Variants in GPHN observed in about 807,000 individuals in gnomAD.
The protein encoded by GPHN is gephyrin.
In GPHN, 17 loss-of-function variants were observed where a neutral mutation model predicts 95.5. That is an observed-to-expected ratio of 0.18 (90% CI 0.12 to 0.27). GPHN has a LOEUF of 0.27. Among genes scored for constraint, GPHN ranks in the 10% least tolerant of loss-of-function variants. The pLI is 1.00. For missense variants in GPHN, 660 were observed against 978.1 expected (o/e 0.67, Z 4.34); for synonymous variants, 320 against 322.5 (o/e 0.99, Z 0.08).
At position 67,180,985 on chromosome 14, in the gene GPHN, C is replaced by G; in HGVS notation, c.*48C>G. ...TTGATGCATGTCCACATATCATTGACTGTATCCTGTAATATGCAACGGCAC... is the reference window on the plus strand; with the variant it reads ...TTGATGCATGTCCACATATCATTGAGTGTATCCTGTAATATGCAACGGCAC... On this transcript the variant is annotated 3_prime_UTR_variant, in exon 23 of 23. Coordinates refer to ENST00000478722, the MANE Select transcript of GPHN (RefSeq NM_020806.5). 6.3e-7 allele frequency: 1 copy of G among 1,593,914 alleles called. No homozygotes were observed.
At chr14:66,834,769 T>C (rs1469322542) in intron 4 of GPHN, among the ~76,000 whole-genome samples, 1 of 150,368 alleles carries the variant, frequency 6.7e-6, no homozygotes, top group East Asian at 1.9e-4. Context: ...GCTGGCCTCA[T>C]AAAATGAGTT....
At chr14:66,728,473 AC>A (rs2071456293) in intron 2 of GPHN, among the ~76,000 whole-genome samples, 1 of 152,216 alleles carries the variant, frequency 6.6e-6, no homozygotes, top group Non-Finnish European at 1.5e-5. Context: ...GGGAGGCTGT[AC>A]CCTGCAAAGC....
At chr14:67,695,629 C>G in the GPHN span, 3 of 1,613,896 alleles carry the variant, frequency 1.9e-6, no homozygotes, top group Non-Finnish European at 2.5e-6. Context: ...TTTGCACAGA[C>G]CTGATTTGGG....
At chr14:67,679,764 C>T in the GPHN span, among the ~76,000 whole-genome samples, 33 of 152,194 alleles carry the variant, frequency 2.2e-4, no homozygotes, top group Non-Finnish European at 5.9e-5. Flanking sequence ...AAGGACAATT[C>T]TGACTCATTT....
intron 2 of GPHN, among the ~76,000 whole-genome samples, chr14:66,765,713 G>T (rs185050284): frequency 6.6e-6 from 1 of 151,424 alleles, no homozygotes; most frequent in African/African-American, 2.4e-5. Context: ...CTCCCATGAC[G>T]CACAATTTAC....
chr14:67,267,514 G>A, the GPHN span, among the ~76,000 whole-genome samples: 1 of 151,670 alleles, frequency 6.6e-6, no homozygotes, highest in African/African-American at 2.4e-5. Context: ...GCCTCCCAAA[G>A]TGCTGGGATT....
At chr14:66,620,523 C>T (rs986766919) in intron 1 of GPHN, among the ~76,000 whole-genome samples, 1 of 152,090 alleles carries the variant, frequency 6.6e-6, no homozygotes, top group African/African-American at 2.4e-5. Flanking sequence ...CATTCATTAT[C>T]ATGAGAACAG....
At chr14:67,608,565 G>T in the GPHN span, among the ~76,000 whole-genome samples, 1 of 152,216 alleles carries the variant, frequency 6.6e-6, no homozygotes, top group Admixed American at 6.5e-5. Flanking sequence ...GCTTCAGTGG[G>T]AATGTGTGGA....
chr14:66,891,507 G>T (rs1442578380), intron 5 of GPHN, among the ~76,000 whole-genome samples: 2 of 152,022 alleles, frequency 1.3e-5, no homozygotes, highest in African/African-American at 4.8e-5. Flanking sequence ...ATGGATCAAA[G>T]ACCTGTACAC....
the GPHN span, chr14:67,557,480 G>A: frequency 6.6e-7 from 1 of 1,518,446 alleles, no homozygotes; most frequent in Non-Finnish European, 9.0e-7. Context: ...CTGGCCCCCA[G>A]CTTCCTGAGC....
chr14:67,419,146 T>C, the GPHN span, among the ~76,000 whole-genome samples: 1 of 152,184 alleles, frequency 6.6e-6, no homozygotes, highest in Admixed American at 6.5e-5. Context: ...CCTCCTTCCA[T>C]TCTGCTTTCC....
intron 11 of GPHN, among the ~76,000 whole-genome samples, chr14:67,068,245 G>A (rs1371271045): frequency 6.6e-6 from 1 of 152,154 alleles, no homozygotes; most frequent in East Asian, 1.9e-4. Context: ...GTGCCTAGAC[G>A]TGTTTGCATG....
chr14:67,339,771 G>A, the GPHN span, among the ~76,000 whole-genome samples: 1 of 151,998 alleles, frequency 6.6e-6, no homozygotes, highest in African/African-American at 2.4e-5. Context: ...TTTTATGTAG[G>A]AGGCACCCAA....
At chr14:67,078,974 C>T (rs1185304586) in intron 11 of GPHN, among the ~76,000 whole-genome samples, 1 of 151,982 alleles carries the variant, frequency 6.6e-6, no homozygotes, top group Non-Finnish European at 1.5e-5. Context: ...ACTCCAAAAT[C>T]AGGACTAATC....
chr14:67,277,630 G>A, the GPHN span, among the ~76,000 whole-genome samples: 1 of 151,974 alleles, frequency 6.6e-6, no homozygotes, highest in Non-Finnish European at 1.5e-5. Context: ...GATTTAATGT[G>A]TGGGTTTACA....
In GPHN at chr14:67,179,818, A is replaced by G. The variant is rs1387819599; in HGVS notation, c.2176+144A>G. 6.2e-6 allele frequency: 4 copies of G among 644,486 alleles called. No individual in the cohort carries two copies. In the African/African-American group the frequency reaches 7.3e-5, roughly 12 times the overall value. 39.9% of individuals were successfully genotyped at this position (644,486 alleles called of 1,614,324 possible). On this transcript the variant is annotated intron_variant, in intron 22 of 22. Transcript: ENST00000478722. Reference sequence around the variant, plus strand: ...AAGTTAGATGAGTTAAGTTATTCCTAAACAGTATAGCAAAAGTTAAAAAAT... The same window carrying G: ...AAGTTAGATGAGTTAAGTTATTCCTGAACAGTATAGCAAAAGTTAAAAAAT...
chr14:67,100,561 C>T (rs919741229), intron 12 of GPHN, among the ~76,000 whole-genome samples: 5 of 152,084 alleles, frequency 3.3e-5, no homozygotes, highest in African/African-American at 1.2e-4. Flanking sequence ...ATTAGAAAAG[C>T]ACAAGTGTGG....
At chr14:67,177,487 T>G (rs1285143384) in intron 21 of GPHN, among the ~76,000 whole-genome samples, 2 of 152,202 alleles carry the variant, frequency 1.3e-5, no homozygotes, top group East Asian at 3.8e-4. Flanking sequence ...TGAGGAGTGT[T>G]TTACTTCCAA....
At chr14:67,560,910 T>C in the GPHN span, among the ~76,000 whole-genome samples, 3 of 152,112 alleles carry the variant, frequency 2.0e-5, no homozygotes, top group South Asian at 6.2e-4. Context: ...TTTGTACTTT[T>C]GGTAGAGACG....
Sources: gnomAD v4.1 joint callset for allele counts (sites outside exome capture counted in the v4.1 genomes callset) on GRCh38, gnomAD v4.1.1 for gene constraint, MANE v1.5 for transcripts, NCBI Gene and HGNC (gene_info 2026-07-23, HGNC 2026-07-21) for gene names.